The following PLCH1 variants were observed in gnomAD, a reference collection of about 807,000 sequenced individuals.
PLCH1 encodes phospholipase C eta 1.
Under a neutral mutation model 126.7 loss-of-function variants are expected in PLCH1, and 60 were observed. The ratio of observed to expected loss-of-function variants is 0.47; its 90% confidence interval spans 0.38 to 0.59. The LOEUF (loss-of-function observed/expected upper bound fraction) is 0.59, where lower values mean the gene tolerates loss of function less well. Ranked by LOEUF, PLCH1 falls within the 20% of genes least tolerant of loss-of-function variation. The pLI, the probability that PLCH1 is intolerant of heterozygous loss-of-function variation, is 0.00. For missense variants in PLCH1, 1,723 were observed against 2,040.0 expected (o/e 0.84, Z 2.99); for synonymous variants, 719 against 734.9 (o/e 0.98, Z 0.35).
rs1298541761 is a variant in PLCH1 at position 155,485,388 on chromosome 3, G to C, written c.2942C>G (p.Ala981Gly). Reference sequence around the variant, plus strand: ...GTTTTCTTTTCCTTCAATGTCTTTTGCTGTTTCAGATACAGGCAGCGACAA... The same window carrying C: ...GTTTTCTTTTCCTTCAATGTCTTTTCCTGTTTCAGATACAGGCAGCGACAA... ...GALSLPVSET[A>G]KDIEGKENSL... The change falls in exon 22 of 23, where the codon GCA becomes GGA. Residue 981 changes from alanine to glycine, a missense_variant. Around this residue, in one of 2 missense-constraint regions of PLCH1, gnomAD observed 947 missense variants for 977.1 expected, o/e 0.97. Transcript: ENST00000460012. 6.2e-7 allele frequency: 1 copy of C among 1,606,564 alleles called. No homozygotes were observed. Among genetic ancestry groups the C allele is most frequent in the Admixed American group, 1.7e-5 (1 of 59,900 alleles).
intron 21 of PLCH1, among the ~76,000 whole-genome samples, chr3:155,465,524 G>A (rs1010224021): frequency 2.2e-4 from 34 of 152,194 alleles, no homozygotes; most frequent in African/African-American, 6.0e-4. Context: ...TCTGAGACTT[G>A]CCGGCTTTAG....
intron 18 of PLCH1, among the ~76,000 whole-genome samples, chr3:155,492,324 TG>T (rs1716335484): frequency 6.6e-6 from 1 of 152,200 alleles, no homozygotes; most frequent in African/African-American, 2.4e-5. Flanking sequence ...AATCAGCACA[TG>T]GCCAAGGAGC....
intron 10 of PLCH1, among the ~76,000 whole-genome samples, chr3:155,543,517 A>C (rs1429320912): frequency 1.3e-5 from 2 of 152,252 alleles, no homozygotes; most frequent in East Asian, 3.8e-4. Context: ...GCCAACATTC[A>C]GATTCAGGAA....
intron 2 of PLCH1, among the ~76,000 whole-genome samples, chr3:155,597,124 A>G (rs1733077176): frequency 7.6e-6 from 1 of 130,836 alleles, no homozygotes; most frequent in South Asian, 2.5e-4. Flanking sequence ...TTGTTTGGTA[A>G]TGGTGCCCCA....
rs367604273 is a variant in PLCH1, at chr3:155,471,091, A to G, written c.2938+14265T>C. Among the ~76,000 whole-genome samples the G allele has an allele frequency of 6.8e-3, 1,024 of 151,582 alleles. 18 individuals carry two copies. The highest frequency in any genetic ancestry group is 0.024 in the African/African-American group (979 of 40,920). ...ACACATAACAATATTAACTTTAAAT[A>G]TAAATGGACTAAATGCTCCAATTAA... On this transcript the variant is annotated intron_variant, in intron 21 of 21. Transcript: ENST00000494598.
chr3:155,682,976 G>GAT (rs767856221), intron 2 of PLCH1, among the ~76,000 whole-genome samples: 1 of 152,152 alleles, frequency 6.6e-6, no homozygotes, highest in Non-Finnish European at 1.5e-5. Context: ...TCACTGGAGA[G>GAT]ATATAACTCT....
chr3:155,468,183 G>A (rs991241845), intron 21 of PLCH1, among the ~76,000 whole-genome samples: 2 of 152,110 alleles, frequency 1.3e-5, no homozygotes, highest in Non-Finnish European at 2.9e-5. Context: ...TTGCTATCAG[G>A]TTAAAATAAT....
chr3:155,610,133 G>A (rs1734849366), intron 2 of PLCH1, among the ~76,000 whole-genome samples: 1 of 152,016 alleles, frequency 6.6e-6, no homozygotes, highest in Non-Finnish European at 1.5e-5. Context: ...GCCAAGGCGG[G>A]CGGATCACCT....
chr3:155,718,852 CCCATTTTA>C (rs1359553217), intron 1 of PLCH1, among the ~76,000 whole-genome samples: 1 of 151,462 alleles, frequency 6.6e-6, no homozygotes, highest in Admixed American at 6.6e-5. Context: ...AGATATTTTC[CCCATTTTA>C]CCAAGTACTG....
chr3:155,476,764 A>G (rs534657784), downstream of PLCH1, among the ~76,000 whole-genome samples: 15 of 152,196 alleles, frequency 9.9e-5, no homozygotes, highest in Non-Finnish European at 2.2e-4. Context: ...ACACCGAACA[A>G]TGAAAAATAT....
chr3:155,522,230 T>TA lies in PLCH1; in HGVS notation c.1470+1666dup, dbSNP rs10706469. On this transcript the variant is annotated intron_variant, in intron 11 of 22. Transcript: ENST00000460012. ...AAAAATCTGGTTTATAAAGTAATGC[T>TA]AAAAAAAAAGCTAAATTATCCATAA... is the stretch of plus-strand genomic sequence containing the variant. 1.2e-3 allele frequency among the ~76,000 whole-genome samples: 182 copies of TA among 149,956 alleles called. 1 individual carries two copies. The highest frequency in any genetic ancestry group is 7.8e-3 in the South Asian group (37 of 4,734).
At chr3:155,731,468 A>G (rs1351018898) in intron 1 of PLCH1, among the ~76,000 whole-genome samples, 1 of 152,196 alleles carries the variant, frequency 6.6e-6, no homozygotes, top group Non-Finnish European at 1.5e-5. Flanking sequence ...CTGAAGATTC[A>G]GATGCAACGT....
chr3:155,637,639 A>T (rs895391683), intron 2 of PLCH1, among the ~76,000 whole-genome samples: 1 of 152,194 alleles, frequency 6.6e-6, no homozygotes, highest in Non-Finnish European at 1.5e-5. Flanking sequence ...TCAGACAGCA[A>T]ATTAATTCTT....
intron 21 of PLCH1, among the ~76,000 whole-genome samples, chr3:155,470,764 C>T (rs1576767691): frequency 2.0e-5 from 3 of 151,932 alleles, no homozygotes; most frequent in South Asian, 4.2e-4. Flanking sequence ...AGAGTGGGGG[C>T]CAATATTCAA....
chr3:155,555,450 A>G (rs1726701543), intron 8 of PLCH1, among the ~76,000 whole-genome samples: 1 of 152,242 alleles, frequency 6.6e-6, no homozygotes, highest in African/African-American at 2.4e-5. Flanking sequence ...CACAGCCACA[A>G]GATGGAAAAA....
chr3:155,742,531 A>C (rs981950964), intron 1 of PLCH1: 3 of 152,066 alleles, frequency 2.0e-5, no homozygotes, highest in Non-Finnish European at 4.4e-5. Context: ...TCCCAGTCTC[A>C]TTATCCCATG....
intron 2 of PLCH1, among the ~76,000 whole-genome samples, chr3:155,617,620 T>C (rs999206257): frequency 5.3e-5 from 8 of 152,242 alleles, no homozygotes; most frequent in Admixed American, 1.3e-4. Context: ...TCTTAAATTA[T>C]GGCAATATAG....
rs939817322 is a variant in PLCH1, at chr3:155,549,368, G to T, written c.1362+419C>A. On this transcript the variant is annotated intron_variant, in intron 10 of 22. Coordinates refer to ENST00000460012, the MANE Select transcript of PLCH1 (RefSeq NM_014996.4). ...AGACTGATCAACCATGAAGCTTTTT[G>T]TTTTTTTTGGTTTTTTTGACAGACA... Among the ~76,000 whole-genome samples the T allele has an allele frequency of 2.0e-5, 3 of 151,464 alleles. 1 individual carries two copies. The East Asian group carries it at 5.8e-4, about 29-fold the overall frequency.
At chr3:155,675,164 A>G (rs1308542430) in intron 2 of PLCH1, among the ~76,000 whole-genome samples, 7 of 152,342 alleles carry the variant, frequency 4.6e-5, no homozygotes, top group Non-Finnish European at 8.8e-5. Context: ...AGCTGAAACC[A>G]TAAACTAGCA....
Sources: gnomAD v4.1 joint callset for allele counts (sites outside exome capture counted in the v4.1 genomes callset) on GRCh38, gnomAD v4.1.1 for gene constraint, gnomAD v4.1.1 regional missense constraint, MANE v1.5 for transcripts, NCBI Gene and HGNC (gene_info 2026-07-23, HGNC 2026-07-21) for gene names.